The following EIF2S3 variants were observed in gnomAD, a reference collection of about 807,000 sequenced individuals.
EIF2S3 encodes eukaryotic translation initiation factor 2 subunit gamma, also known as eukaryotic translation initiation factor 2 subunit 3.
A neutral mutation model predicts 31.7 loss-of-function variants in EIF2S3; 2 were observed. The ratio of observed to expected loss-of-function variants is 0.06; its 90% CI spans 0.03 to 0.20. The LOEUF (loss-of-function observed/expected upper bound fraction) is 0.20. EIF2S3 is among the 10% of genes least tolerant of loss of function. EIF2S3 has a pLI of 1.00. For synonymous variants in EIF2S3, 120 were observed against 126.7 expected (o/e 0.95, Z 0.36); for missense variants, 96 against 359.3 (o/e 0.27, Z 5.92).
chrX:24,074,862 CT>C (rs758813480), intron 11 of EIF2S3, among the ~76,000 whole-genome samples: 16 of 47,465 alleles, frequency 3.4e-4, no homozygotes, highest in Non-Finnish European at 5.2e-4. Context: ...TTTTCTTCTT[CT>C]TTTTTTTTTT....
chrX:24,074,760 TC>T (rs1930724615), intron 11 of EIF2S3, among the ~76,000 whole-genome samples: 1 of 110,000 alleles, frequency 9.1e-6, no homozygotes, highest in African/African-American at 3.3e-5. Context: ...ATCACTGTCT[TC>T]CTTTATTTTG....
chrX:24,066,124 GTTT>G, intron 8 of EIF2S3, 32 bp downstream of exon 8: 2 of 805,732 alleles, frequency 2.5e-6, no homozygotes. Flanking sequence ...GTGATTTTGG[GTTT>G]TTTTTTTTTG....
intron 10 of EIF2S3, 112 bp from the exon 11 acceptor site, chrX:24,072,978 GA>G: frequency 2.3e-6 from 2 of 855,217 alleles, no homozygotes; most frequent in Non-Finnish European, 3.2e-6. Context: ...AATTTCTATA[GA>G]ATTTTTTTTA....
At chrX:24,072,348 G>T (rs1255771992) in intron 10 of EIF2S3, among the ~76,000 whole-genome samples, 1 of 111,377 alleles carries the variant, frequency 9.0e-6, no homozygotes, top group Non-Finnish European at 1.9e-5. Context: ...GCAGTGGTGC[G>T]ATCTCGACTC....
rs758813480 is a variant in EIF2S3 at position 24,074,862 on chromosome X, C to CTTTTTTTTTTTTTTTTTTTTTTTTTTT, written c.1355+1620_1355+1621insTTTTTTTTTTTTTTTTTTTTTTTTTTT. ...GTACTCATCATTTTTTTTTCTTCTT[C>CTTTTTTTTTTTTTTTTTTTTTTTTTTT]TTTTTTTTTTTTTTTTTTTTTGAGA... On this transcript the variant is annotated intron_variant, in intron 11 of 11. Transcript: ENST00000253039. Among the ~76,000 whole-genome samples, 22 of 47,464 alleles carry CTTTTTTTTTTTTTTTTTTTTTTTTTTT rather than the reference C, an allele frequency of 4.6e-4. 2 individuals are homozygous for CTTTTTTTTTTTTTTTTTTTTTTTTTTT. The highest frequency in any genetic ancestry group is 5.9e-4 in the Non-Finnish European group (17 of 28,767). The allele number at this position is 47,464 out of a possible 115,157, so 41.2% of individuals were successfully genotyped here. A position where few individuals can be genotyped will look rare whatever the true frequency, so the allele number is the denominator to read the frequency against.
At chrX:24,067,703 G>A (rs1486828613) in intron 8 of EIF2S3, among the ~76,000 whole-genome samples, 1 of 108,301 alleles carries the variant, frequency 9.2e-6, no homozygotes, top group Non-Finnish European at 1.9e-5. Context: ...CAATTCTGCC[G>A]CAGCCTCCTG....
intron 1 of EIF2S3, among the ~76,000 whole-genome samples, chrX:24,055,313 C>T (rs1930384034): frequency 9.0e-6 from 1 of 111,697 alleles, no homozygotes; most frequent in Admixed American, 9.6e-5. Context: ...AGCCTCTGAA[C>T]GTCTGGGAAG....
chrX:24,065,102 G>A (rs1930551483), intron 7 of EIF2S3, among the ~76,000 whole-genome samples: 1 of 111,608 alleles, frequency 9.0e-6, no homozygotes, highest in African/African-American at 3.3e-5. Flanking sequence ...AGCTTCTGGT[G>A]TTTAGTAGGA....
chrX:24,058,526 T>TTC (rs59361118), intron 4 of EIF2S3, among the ~76,000 whole-genome samples: 1 of 61,102 alleles, frequency 1.6e-5, no homozygotes, highest in Non-Finnish European at 3.0e-5. Flanking sequence ...GCATATATTT[T>TTC]TTTTTCTTTC....
At position 24,077,500 on chromosome X, in the gene EIF2S3, G is replaced by T. The variant is rs1044901008; in HGVS notation, c.*715G>T. On this transcript the variant is annotated 3_prime_UTR_variant, in exon 12 of 12. Coordinates refer to ENST00000253039, the MANE Select transcript of EIF2S3 (RefSeq NM_001415.4). ...GTCTTTGAGTACCTCCAGGCTGAAA[G>T]ACTGTTGTACCAGTAAAAACTTAAA... is the stretch of plus-strand genomic sequence containing the variant. 1.8e-5 allele frequency: 2 copies of T among 112,323 alleles called. No homozygotes were observed. Among genetic ancestry groups the T allele is most frequent in the African/African-American group, 6.5e-5 (2 of 30,958 alleles). 9.3% of individuals were successfully genotyped at this position (112,323 alleles called of 1,213,427 possible).
intron 11 of EIF2S3, 88 bp downstream of exon 11, chrX:24,073,351 A>G: frequency 9.4e-7 from 1 of 1,065,698 alleles, no homozygotes; most frequent in Non-Finnish European, 1.3e-6. Context: ...CTTGAGGACA[A>G]CAGTTACTGT....
chrX:24,068,546 G>T lies in EIF2S3; in HGVS notation c.1012+438G>T, dbSNP rs749780486. 3.6e-5 allele frequency among the ~76,000 whole-genome samples: 4 copies of T among 109,650 alleles called. No homozygotes were observed. In the South Asian group the frequency reaches 1.6e-3, roughly 43 times the overall value. ...TGCAGCCTCTGCCTCCCAGGTTCAAGCAATTCTTATGCCTCAGCCTCCCGA... is the reference window on the plus strand; with the variant it reads ...TGCAGCCTCTGCCTCCCAGGTTCAATCAATTCTTATGCCTCAGCCTCCCGA... On this transcript the variant is annotated intron_variant, in intron 9 of 11. Transcript: ENST00000253039.
At chrX:24,070,439 G>T (rs866284994) in intron 9 of EIF2S3, among the ~76,000 whole-genome samples, 2 of 50,968 alleles carry the variant, frequency 3.9e-5, no homozygotes, top group African/African-American at 8.6e-5. Flanking sequence ...ATCATATGTA[G>T]TTTTTTTTTT....
At chrX:24,070,439 G>GTTTTTTTTTTTTTT (rs768908773) in intron 9 of EIF2S3, among the ~76,000 whole-genome samples, 1 of 50,973 alleles carries the variant, frequency 2.0e-5, no homozygotes. Flanking sequence ...ATCATATGTA[G>GTTTTTTTTTTTTTT]TTTTTTTTTT....
In EIF2S3 at chrX:24,078,289, G is replaced by A. The variant is rs773924394; in HGVS notation, c.*1504G>A. 1.3e-4 allele frequency among the ~76,000 whole-genome samples: 15 copies of A among 111,335 alleles called. No individual in the cohort carries two copies. In the South Asian group the frequency reaches 5.3e-3, roughly 39 times the overall value. On this transcript the variant is annotated 3_prime_UTR_variant, in exon 12 of 12. Coordinates refer to ENST00000253039, the MANE Select transcript of EIF2S3 (RefSeq NM_001415.4). ...GATCCGCCCGCCTCTGCCTTCCAAAGTGCTGGGATTACAGGCGTGAGCCAC... is the reference window on the plus strand; with the variant it reads ...GATCCGCCCGCCTCTGCCTTCCAAAATGCTGGGATTACAGGCGTGAGCCAC...
chrX:24,066,895 A>G (rs56937431), intron 8 of EIF2S3, among the ~76,000 whole-genome samples: 2,080 of 111,991 alleles, frequency 0.019, 51 homozygotes, highest in African/African-American at 0.064. Context: ...GAACTGTGCT[A>G]CAATAAACAT....
In EIF2S3 at chrX:24,074,959, G is replaced by A. The variant is rs1353451826; in HGVS notation, c.1355+1696G>A. Reference sequence around the variant, plus strand: ...AGCTCACTGCAACCTCTGCCTCCCAGGTTCAAGCAATTCTCCTGCCTCAGC... The same window carrying A: ...AGCTCACTGCAACCTCTGCCTCCCAAGTTCAAGCAATTCTCCTGCCTCAGC... On this transcript the variant is annotated intron_variant, in intron 11 of 11. Transcript: ENST00000253039. Among the ~76,000 whole-genome samples the A allele has an allele frequency of 1.3e-4, 12 of 94,513 alleles. No homozygotes were observed. In the Admixed American group the frequency reaches 1.5e-3, roughly 12 times the overall value. 82.1% of individuals were successfully genotyped at this position (94,513 alleles called of 115,157 possible).
chrX:24,078,238 C>CTGG lies in EIF2S3; in HGVS notation c.*1455_*1457dup, dbSNP rs1930787759. The stretch of plus-strand genomic sequence containing the variant: ...ATGGGGTTTCACCATGTTGCCCAGG[C>CTGG]TGGTCTTGAACTCCTAACCTCAGGT... On this transcript the variant is annotated 3_prime_UTR_variant, in exon 12 of 12. Coordinates refer to ENST00000253039, the MANE Select transcript of EIF2S3 (RefSeq NM_001415.4). Among the ~76,000 whole-genome samples, 1 of 110,711 alleles carries CTGG rather than the reference C, an allele frequency of 9.0e-6. No individual in the cohort carries two copies. Among genetic ancestry groups the CTGG allele is most frequent in the Admixed American group, 9.7e-5 (1 of 10,310 alleles).
intron 8 of EIF2S3, among the ~76,000 whole-genome samples, chrX:24,067,299 A>G (rs2147128977): frequency 9.0e-6 from 1 of 111,470 alleles, no homozygotes; most frequent in South Asian, 3.7e-4. Flanking sequence ...TCAGCCTCCC[A>G]AAGTGCTGGG....
Sources: allele counts gnomAD v4.1 joint callset (sites outside exome capture counted in the v4.1 genomes callset), GRCh38; gene constraint gnomAD v4.1.1; transcripts MANE v1.5; gene names NCBI Gene and HGNC (gene_info 2026-07-23, HGNC 2026-07-21).